Variants in HSPA4L observed in about 807,000 individuals in gnomAD.
HSPA4L encodes heat shock 70 kDa protein 4L.
In HSPA4L, 48 loss-of-function variants were observed where a neutral mutation model predicts 100.3. The observed-to-expected ratio is 0.48, with a 90% CI of 0.38 to 0.61. The LOEUF is 0.61. HSPA4L is among the 20% of genes least tolerant of loss of function. HSPA4L has a pLI of 0.00. For missense variants in HSPA4L, 886 were observed against 988.6 expected (o/e 0.90, Z 1.39); for synonymous variants, 319 against 328.2 (o/e 0.97, Z 0.30).
chr4:127,797,300 C>G (rs1733047601), intron 3 of HSPA4L, among the ~76,000 whole-genome samples: 1 of 152,078 alleles, frequency 6.6e-6, no homozygotes, highest in Admixed American at 6.6e-5. Flanking sequence ...TTATTCTACT[C>G]CAGTTTAAAA....
chr4:127,790,559 A>G (rs1195096093), intron 1 of HSPA4L, among the ~76,000 whole-genome samples: 4 of 152,332 alleles, frequency 2.6e-5, no homozygotes, highest in Admixed American at 2.6e-4. Flanking sequence ...ACTAAAGACT[A>G]GTAACTTCCA....
At chr4:127,809,352 AT>A (rs1733461730) in intron 11 of HSPA4L, 3 of 1,147,206 alleles carry the variant, frequency 2.6e-6, no homozygotes, top group Admixed American at 1.7e-5. Context: ...GCCGCAGTAT[AT>A]TGCAGCCCAG....
intron 1 of HSPA4L, among the ~76,000 whole-genome samples, chr4:127,793,597 T>C (rs1412758187): frequency 2.0e-5 from 3 of 152,226 alleles, no homozygotes; most frequent in Non-Finnish European, 4.4e-5. Flanking sequence ...CAATTATTGT[T>C]CAAAGCATTT....
Position 127,807,986 on chromosome 4 carries a change from T to A in HSPA4L, c.1245-10T>A. ...TTTGTTTCTAAGTGAGTTCTTTCCCTCCATTTTAGGGAATGTGAAGTTTTC... is the reference window on the plus strand; with the variant it reads ...TTTGTTTCTAAGTGAGTTCTTTCCCACCATTTTAGGGAATGTGAAGTTTTC... On this transcript the variant is annotated splice_polypyrimidine_tract_variant and intron_variant, in intron 10 of 18. Coordinates refer to ENST00000296464, the MANE Select transcript of HSPA4L (RefSeq NM_014278.4). 3 of 1,604,384 alleles carry A rather than the reference T, an allele frequency of 1.9e-6. No individual in the cohort carries two copies. Among genetic ancestry groups the A allele is most frequent in the South Asian group, 1.1e-5 (1 of 88,170 alleles).
Position 127,787,870 on chromosome 4 carries a change from G to A in HSPA4L, c.107+5213G>A, listed in dbSNP as rs146000396. ...ACTGAAAAAAAAAAGGTTTAATATAGCACTGATAGTCTTTTAATATGTGGT... is the reference window on the plus strand; with the variant it reads ...ACTGAAAAAAAAAAGGTTTAATATAACACTGATAGTCTTTTAATATGTGGT... On this transcript the variant is annotated intron_variant, in intron 1 of 18. Transcript: ENST00000296464. Among the ~76,000 whole-genome samples the A allele has an allele frequency of 8.7e-3, 1,323 of 151,850 alleles. 24 individuals are homozygous for A. Among genetic ancestry groups the A allele is most frequent in the African/African-American group, 0.03 (1,234 of 41,430 alleles).
chr4:127,818,049 T>C (rs1441467547), intron 12 of HSPA4L, among the ~76,000 whole-genome samples: 3 of 152,018 alleles, frequency 2.0e-5, no homozygotes, highest in Admixed American at 1.3e-4. Context: ...TGAATCTTGA[T>C]TTGTAAATTT....
In HSPA4L at chr4:127,798,505, A is replaced by G; in HGVS notation, c.307-82A>G. ...GGTGTCTTTTTCCCATTGTATGTCT[A>G]TCACATATACAGTAGGTGCTCACTG... On this transcript the variant is annotated intron_variant, in intron 3 of 18. Coordinates refer to ENST00000296464, the MANE Select transcript of HSPA4L (RefSeq NM_014278.4). The G allele has an allele frequency of 2.9e-6, 4 of 1,364,716 alleles. No individual in the cohort carries two copies. In the South Asian group the frequency reaches 3.8e-5, roughly 13 times the overall value. The allele number at this position is 1,364,716 out of a possible 1,614,324, so 84.5% of individuals were successfully genotyped here.
intron 6 of HSPA4L, among the ~76,000 whole-genome samples, chr4:127,802,710 T>TC (rs1305155649): frequency 6.6e-5 from 10 of 152,198 alleles, no homozygotes; most frequent in African/African-American, 2.2e-4. Flanking sequence ...TAGCCCTTCT[T>TC]CCAAAATACA....
intron 13 of HSPA4L, 79 bp downstream of exon 13, chr4:127,818,499 G>A (rs1432442860): frequency 6.0e-5 from 47 of 782,848 alleles, no homozygotes; most frequent in East Asian, 1.9e-4. Flanking sequence ...TTCTTTTAAC[G>A]CACTTGATAT....
chr4:127,798,536 T>C, intron 3 of HSPA4L, 51 bp from the exon 4 acceptor site: 1 of 1,592,776 alleles, frequency 6.3e-7, no homozygotes, highest in Non-Finnish European at 8.6e-7. Flanking sequence ...CACTGAATAT[T>C]TGTTGGATAA....
intron 8 of HSPA4L, 106 bp from the exon 9 acceptor site, chr4:127,804,967 T>C: frequency 1.6e-6 from 1 of 632,618 alleles, no homozygotes; most frequent in Non-Finnish European, 2.7e-6. Flanking sequence ...CCCTTTTATT[T>C]TCTGACAAGT....
intron 14 of HSPA4L, among the ~76,000 whole-genome samples, chr4:127,821,662 A>G (rs1447529109): frequency 6.6e-6 from 1 of 152,162 alleles, no homozygotes; most frequent in African/African-American, 2.4e-5. Flanking sequence ...ATTTGGATCC[A>G]GGTGATTGTT....
intron 12 of HSPA4L, chr4:127,813,567 A>G (rs979175888): frequency 8.1e-5 from 15 of 185,220 alleles, no homozygotes; most frequent in Admixed American, 2.2e-4. Flanking sequence ...AATTTAATCC[A>G]TTAAGATTTA....
upstream of HSPA4L, chr4:127,782,156 C>T (rs1732570572): frequency 4.6e-6 from 2 of 438,646 alleles, no homozygotes; most frequent in Non-Finnish European, 9.2e-6. Flanking sequence ...AGATCTTTCT[C>T]GAACCCGCAG....
intron 11 of HSPA4L, among the ~76,000 whole-genome samples, chr4:127,811,145 T>G (rs530953528): frequency 6.6e-6 from 1 of 151,802 alleles, no homozygotes; most frequent in East Asian, 1.9e-4. Context: ...CTTACTGCCT[T>G]TGAATCAAAT....
At position 127,801,458 on chromosome 4, in the gene HSPA4L, CGTGTGTGTGTGTGTGTGTGTGTGTGT is replaced by C. The variant is rs33966471; in HGVS notation, c.529+240_529+265del. ...AAAAAATTTGATATATATAAAAATA[CGTGTGTGTGTGTGTGTGTGTGTGTGT>C]GTGTGTGTGTGTGTGTGTATGTACT... On this transcript the variant is annotated intron_variant, in intron 5 of 18. Coordinates refer to ENST00000296464, the MANE Select transcript of HSPA4L (RefSeq NM_014278.4). Among the ~76,000 whole-genome samples the C allele has an allele frequency of 2.8e-4, 41 of 144,854 alleles. 2 individuals carry two copies. The highest frequency in any genetic ancestry group is 7.0e-3 in the Middle Eastern group (2 of 284).
intron 1 of HSPA4L, among the ~76,000 whole-genome samples, chr4:127,782,890 G>T (rs1300042353): frequency 2.6e-5 from 4 of 152,062 alleles, no homozygotes; most frequent in Non-Finnish European, 5.9e-5. Flanking sequence ...ACTAGTTTGC[G>T]CAGCTCTCTT....
Position 127,835,007 on chromosome 4 carries a change from A to G in HSPA4L, c.*2133A>G, listed in dbSNP as rs1293329991. 1 of 152,196 alleles carries G rather than the reference A, an allele frequency of 6.6e-6. No individual in the cohort carries two copies. The highest frequency in any genetic ancestry group is 1.5e-5 in the Non-Finnish European group (1 of 68,032). The allele number at this position is 152,196 out of a possible 1,614,324, so 9.4% of individuals were successfully genotyped here. A position where few individuals can be genotyped will look rare whatever the true frequency, so the allele number is the denominator to read the frequency against. On this transcript the variant is annotated 3_prime_UTR_variant, in exon 19 of 19. Coordinates refer to ENST00000296464, the MANE Select transcript of HSPA4L (RefSeq NM_014278.4). Reference sequence around the variant, plus strand: ...AATTATTCAACTTAAAAGATTTCAAAAACGATTTAGCCTTATAATGTATTT... The same window carrying G: ...AATTATTCAACTTAAAAGATTTCAAGAACGATTTAGCCTTATAATGTATTT...
chr4:127,789,670 C>T (rs1732820043), intron 1 of HSPA4L, among the ~76,000 whole-genome samples: 1 of 151,962 alleles, frequency 6.6e-6, no homozygotes. Flanking sequence ...AAAACCCTCC[C>T]TTTATTTTAG....
Sources: allele counts gnomAD v4.1 joint callset (sites outside exome capture counted in the v4.1 genomes callset), GRCh38; gene constraint gnomAD v4.1.1; transcripts MANE v1.5; gene names NCBI Gene and HGNC (gene_info 2026-07-23, HGNC 2026-07-21).